The following NKAIN2 variants were observed in gnomAD, a reference collection of about 807,000 sequenced individuals.
NKAIN2 encodes sodium/potassium transporting ATPase interacting 2.
Under a neutral mutation model 32.6 loss-of-function variants are expected in NKAIN2, and 14 were observed. The ratio of observed to expected loss-of-function variants is 0.43; its 90% CI spans 0.28 to 0.67. The LOEUF is 0.67. NKAIN2 is among the 30% of genes least tolerant of loss of function. NKAIN2 has a pLI of 0.17. For synonymous variants in NKAIN2, 80 were observed against 87.2 expected (o/e 0.92, Z 0.46); for missense variants, 198 against 258.3 (o/e 0.77, Z 1.60).
intron 2 of NKAIN2, among the ~76,000 whole-genome samples, chr6:124,346,104 T>G (rs2115104136): frequency 6.6e-6 from 1 of 152,284 alleles, no homozygotes; most frequent in Non-Finnish European, 1.5e-5. Context: ...CAGTAGTCAT[T>G]CAGGAGCAGG....
intron 1 of NKAIN2, among the ~76,000 whole-genome samples, chr6:124,114,579 A>G (rs565319895): frequency 6.6e-6 from 1 of 152,218 alleles, no homozygotes; most frequent in East Asian, 1.9e-4. Flanking sequence ...TGAGATCACT[A>G]AGGGAGGAAT....
At chr6:124,599,884 C>A (rs557157759) in intron 3 of NKAIN2, among the ~76,000 whole-genome samples, 2 of 152,050 alleles carry the variant, frequency 1.3e-5, no homozygotes, top group African/African-American at 4.8e-5. Context: ...ATATATGAGG[C>A]CTGCTCTGTT....
chr6:124,117,938 C>A (rs1043684694), intron 1 of NKAIN2, among the ~76,000 whole-genome samples: 19 of 151,014 alleles, frequency 1.3e-4, no homozygotes, highest in African/African-American at 4.6e-4. Context: ...GATGGCATAC[C>A]TTAGGAGGTT....
intron 1 of NKAIN2, among the ~76,000 whole-genome samples, chr6:124,083,338 A>G (rs1432728075): frequency 6.6e-6 from 1 of 151,944 alleles, no homozygotes; most frequent in Non-Finnish European, 1.5e-5. Flanking sequence ...CTGATACACA[A>G]TAATGCCTAA....
At position 124,721,638 on chromosome 6, in the gene NKAIN2, C is replaced by G. The variant is rs573438148; in HGVS notation, c.474+63252C>G. Among the ~76,000 whole-genome samples the G allele has an allele frequency of 1.2e-4, 18 of 152,212 alleles. No individual in the cohort carries two copies. In the South Asian group the frequency reaches 1.5e-3, roughly 12 times the overall value. On this transcript the variant is annotated intron_variant, in intron 4 of 6. Transcript: ENST00000368417. ...TGAGTTCTTTCCTTCAGTTTAGCGT[C>G]TCTTTCAAGTCATTCCAAGAAGTCT...
chr6:123,805,142 C>CT (rs1208353797), intron 1 of NKAIN2, among the ~76,000 whole-genome samples: 30 of 152,244 alleles, frequency 2.0e-4, no homozygotes, highest in African/African-American at 7.0e-4. Flanking sequence ...ATACACCACT[C>CT]TAAGTGGTTA....
chr6:124,057,870 G>A (rs1236449148), intron 1 of NKAIN2, among the ~76,000 whole-genome samples: 1 of 151,996 alleles, frequency 6.6e-6, no homozygotes, highest in Non-Finnish European at 1.5e-5. Context: ...GGAGTATAGA[G>A]TATCAGAGAT....
At position 124,476,397 on chromosome 6, in the gene NKAIN2, C is replaced by CTG. The variant is rs56691516; in HGVS notation, c.273+121095_273+121096dup. Among the ~76,000 whole-genome samples, 931 of 137,980 alleles carry CTG rather than the reference C, an allele frequency of 6.7e-3. 11 individuals are homozygous for CTG. The highest frequency in any genetic ancestry group is 0.016 in the South Asian group (65 of 4,066). 90.5% of individuals were successfully genotyped at this position (137,980 alleles called of 152,430 possible). ...ACTGAATTCATATGTATGTATGTGA[C>CTG]TGTGTGTGTGTGTGTGTGTGTGTGT... On this transcript the variant is annotated intron_variant, in intron 3 of 6. Coordinates refer to ENST00000368417, the MANE Select transcript of NKAIN2 (RefSeq NM_001040214.3).
rs146375344 is a variant in NKAIN2 at position 124,394,637 on chromosome 6, C to T, written c.273+39290C>T. ...GACTAAGAAGAGCCAGTATTTCAGT[C>T]CAAACCCAAATGGCAGAAAAAAAAA... On this transcript the variant is annotated intron_variant, in intron 3 of 6. Coordinates refer to ENST00000368417, the MANE Select transcript of NKAIN2 (RefSeq NM_001040214.3). Among the ~76,000 whole-genome samples, 71 of 150,160 alleles carry T rather than the reference C, an allele frequency of 4.7e-4. 1 individual carries two copies. The highest frequency in any genetic ancestry group is 1.7e-3 in the African/African-American group (69 of 40,528).
At chr6:124,219,385 C>A (rs1157230806) in intron 1 of NKAIN2, among the ~76,000 whole-genome samples, 2 of 150,908 alleles carry the variant, frequency 1.3e-5, no homozygotes, top group African/African-American at 4.9e-5. Flanking sequence ...TTAAGTGATT[C>A]TCCTGCCTCA....
At chr6:124,682,250 G>A (rs1451386467) in intron 4 of NKAIN2, among the ~76,000 whole-genome samples, 3 of 152,076 alleles carry the variant, frequency 2.0e-5, no homozygotes, top group Non-Finnish European at 4.4e-5. Context: ...AGAGAGCTAT[G>A]ATCAGAGAAC....
chr6:124,340,709 A>G (rs576117416), intron 2 of NKAIN2, among the ~76,000 whole-genome samples: 2 of 152,248 alleles, frequency 1.3e-5, no homozygotes, highest in South Asian at 4.1e-4. Context: ...ACCAGTTTTT[A>G]TGTTTTGTTA....
chr6:124,295,917 G>T (rs1442553415), intron 2 of NKAIN2, among the ~76,000 whole-genome samples: 1 of 151,448 alleles, frequency 6.6e-6, no homozygotes, highest in Non-Finnish European at 1.5e-5. Flanking sequence ...ATGCCAATTT[G>T]TCAATCTGGT....
At chr6:124,038,518 GA>G (rs1333501106) in intron 1 of NKAIN2, among the ~76,000 whole-genome samples, 2 of 152,010 alleles carry the variant, frequency 1.3e-5, no homozygotes, top group East Asian at 3.9e-4. Context: ...CGGCCTATGT[GA>G]AAAGTTTTAT....
intron 1 of NKAIN2, among the ~76,000 whole-genome samples, chr6:123,864,185 A>G (rs1346318238): frequency 1.3e-5 from 2 of 152,322 alleles, no homozygotes; most frequent in Admixed American, 1.3e-4. Flanking sequence ...CCAGATTTCT[A>G]TAGCCTGTTT....
intron 3 of NKAIN2, among the ~76,000 whole-genome samples, chr6:124,457,831 C>G (rs1776381418): frequency 6.6e-6 from 1 of 151,916 alleles, no homozygotes; most frequent in South Asian, 2.1e-4. Flanking sequence ...CCTTGGAGTT[C>G]TTAGTACCTC....
chr6:124,244,306 T>G (rs987319069), intron 1 of NKAIN2, among the ~76,000 whole-genome samples: 5 of 145,202 alleles, frequency 3.4e-5, no homozygotes, highest in African/African-American at 1.0e-4. Context: ...TGATCTCATT[T>G]TTCAATTCCC....
chr6:124,189,786 G>A (rs1789926125), intron 1 of NKAIN2, among the ~76,000 whole-genome samples: 1 of 152,168 alleles, frequency 6.6e-6, no homozygotes, highest in African/African-American at 2.4e-5. Context: ...TTCCTCCTTA[G>A]TGGTAATTAG....
At chr6:124,354,269 G>A (rs918473956) in intron 2 of NKAIN2, among the ~76,000 whole-genome samples, 1 of 152,076 alleles carries the variant, frequency 6.6e-6, no homozygotes, top group Non-Finnish European at 1.5e-5. Context: ...TTTTTAAAAA[G>A]TCACTCTCAT....
Sources: allele counts gnomAD v4.1 joint callset (sites outside exome capture counted in the v4.1 genomes callset), GRCh38; gene constraint gnomAD v4.1.1; transcripts MANE v1.5; gene names NCBI Gene and HGNC (gene_info 2026-07-23, HGNC 2026-07-21).